The following PDXK variants were observed in gnomAD, a reference collection of about 807,000 sequenced individuals.
PDXK encodes the protein epididymis secretory sperm binding protein Li 1a.
PDXK carries 15 observed loss-of-function variants against 43.2 expected under a neutral mutation model. That is an observed-to-expected ratio of 0.35 (90% CI 0.23 to 0.53). The LOEUF (loss-of-function observed/expected upper bound fraction) is 0.53. Among genes scored for constraint, PDXK ranks in the 20% least tolerant of loss-of-function variants. The pLI, the probability that PDXK is intolerant of heterozygous loss-of-function variation, is 0.92. For synonymous variants in PDXK, 172 were observed against 165.4 expected (o/e 1.04, Z -0.31); for missense variants, 343 against 417.0 (o/e 0.82, Z 1.54).
chr21:43,732,531 G>A lies in PDXK; in HGVS notation c.88-1538G>A, dbSNP rs375272052. The A allele has an allele frequency of 2.4e-5, 29 of 1,190,328 alleles. No homozygotes were observed. The highest frequency in any genetic ancestry group is 2.1e-4 in the South Asian group (17 of 82,740). 73.7% of individuals were successfully genotyped at this position (1,190,328 alleles called of 1,614,324 possible). On this transcript the variant is annotated intron_variant, in intron 1 of 10. Transcript: ENST00000291565. This position sits in a 1 kb window ranked among gnomAD's most constrained non-coding sequence, Gnocchi z 4.1. ...AAATAGCGACTTCATTCTCGGATAC[G>A]TTTGCCAGCCCCAAAGGATTAATTA...
At chr21:43,722,725 G>T (rs1416261999) in intron 1 of PDXK, among the ~76,000 whole-genome samples, 1 of 152,156 alleles carries the variant, frequency 6.6e-6, no homozygotes, top group Non-Finnish European at 1.5e-5. Flanking sequence ...CTGTCCTCAC[G>T]TGGCCTCCGC....
At chr21:43,743,537 G>A in intron 3 of PDXK, 187 bp from the exon 4 acceptor site, 1 of 479,836 alleles carries the variant, frequency 2.1e-6, no homozygotes, top group South Asian at 2.0e-5. Flanking sequence ...AGCACTGTGG[G>A]GACACCTCGC....
rs1156887089 is a variant in PDXK at position 43,719,282 on chromosome 21, G to C, written c.-13G>C. 20 of 1,433,616 alleles carry C rather than the reference G, an allele frequency of 1.4e-5. No homozygotes were observed. The highest frequency in any genetic ancestry group is 5.5e-5 in the South Asian group (4 of 72,340). The allele number at this position is 1,433,616 out of a possible 1,614,324, so 88.8% of individuals were successfully genotyped here. On this transcript the variant is annotated 5_prime_UTR_variant, in exon 1 of 11. Transcript: ENST00000291565. ...CCCCGCCTCGGCCCCGCGCCGCCGC[G>C]GCCAGGCCCGGCATGGAGGAGGAGT...
intron 1 of PDXK, among the ~76,000 whole-genome samples, chr21:43,726,898 G>T (rs748925453): frequency 2.0e-5 from 3 of 152,248 alleles, no homozygotes; most frequent in Middle Eastern, 3.4e-3. Flanking sequence ...TACATGGCAT[G>T]CATGTGTGCA....
intron 3 of PDXK, among the ~76,000 whole-genome samples, chr21:43,742,589 A>ATT (rs1226869636): frequency 9.9e-5 from 15 of 152,232 alleles, no homozygotes; most frequent in Non-Finnish European, 2.2e-4. Flanking sequence ...TAAAGGTCAC[A>ATT]TATAAGGCCA....
Position 43,755,968 on chromosome 21 carries a change from G to T in PDXK, c.844G>T (p.Val282Leu). Reference sequence around the variant, plus strand: ...CCCCGCAGCCCAGGCCGGGGAAGGAGTGAGGCCCAGCCCCATGCAGCTGGA... The same window carrying T: ...CCCCGCAGCCCAGGCCGGGGAAGGATTGAGGCCCAGCCCCATGCAGCTGGA... The part of the protein sequence containing the change: ...QCAKAQAGEG[V>L]RPSPMQLELR... Residue 282 changes from valine to leucine, a missense_variant, in exon 11 of 11, where the codon GTG (valine) becomes TTG (leucine). Val to Leu is a conservative substitution (Grantham distance 32). Coordinates refer to ENST00000291565, the MANE Select transcript of PDXK (RefSeq NM_003681.5). The T allele has an allele frequency of 6.2e-7, 1 of 1,611,588 alleles. No individual in the cohort carries two copies. The highest frequency in any genetic ancestry group is 8.5e-7 in the Non-Finnish European group (1 of 1,178,546).
chr21:43,752,517 G>A lies in PDXK; in HGVS notation c.511-1G>A, dbSNP rs1482876186. The A allele has an allele frequency of 6.2e-7, 1 of 1,605,848 alleles. No individual in the cohort carries two copies. The highest frequency in any genetic ancestry group is 1.7e-5 in the Admixed American group (1 of 59,994). ...GCTGACGCTCCCTGTGCCACTGCTA[G>A]GTGATGGACATGCTGCACTCTATGG... On this transcript the variant is annotated splice_acceptor_variant, in intron 7 of 10. Coordinates refer to ENST00000291565, the MANE Select transcript of PDXK (RefSeq NM_003681.5). LOFTEE classifies it high-confidence loss of function.
intron 3 of PDXK, among the ~76,000 whole-genome samples, chr21:43,743,442 T>C (rs1188489669): frequency 8.2e-5 from 2 of 24,282 alleles, no homozygotes; most frequent in Non-Finnish European, 1.5e-4. Context: ...TGGGGACACC[T>C]CGCCTGCACC....
intron 1 of PDXK, among the ~76,000 whole-genome samples, chr21:43,733,167 C>A (rs573116429): frequency 6.6e-6 from 1 of 152,046 alleles, no homozygotes; most frequent in South Asian, 2.1e-4. Flanking sequence ...AAATCGTAAG[C>A]AGATAGCTCA....
chr21:43,742,930 A>G (rs1351981490), intron 3 of PDXK, among the ~76,000 whole-genome samples: 2 of 152,148 alleles, frequency 1.3e-5, no homozygotes, highest in Non-Finnish European at 2.9e-5. Context: ...AATAAAGGAA[A>G]GATCACTCCT....
At chr21:43,728,195 C>T (rs1360220125) in intron 1 of PDXK, among the ~76,000 whole-genome samples, 1 of 152,086 alleles carries the variant, frequency 6.6e-6, no homozygotes, top group East Asian at 1.9e-4. Context: ...CAGAAGTTCC[C>T]CCTGGGAGTT....
rs552957993 is a variant in PDXK at position 43,729,287 on chromosome 21, A to G, written c.88-4782A>G. ...GGGGCTTTGGCCAGGGCCGGCAGAG[A>G]GCCCCAGTCCTGAAGAACCCTCGTT... On this transcript the variant is annotated intron_variant, in intron 1 of 10. Transcript: ENST00000291565. Among the ~76,000 whole-genome samples, 761 of 152,294 alleles carry G rather than the reference A, an allele frequency of 5.0e-3. 4 individuals are homozygous for G. The highest frequency in any genetic ancestry group is 0.044 in the South Asian group (214 of 4,824).
Position 43,737,161 on chromosome 21 carries a change from C to A in PDXK, c.142+3038C>A. ...CTTCTGCCTGGGATGGGCCACAAAG[C>A]CAGACTCCCGGCAGGGACACGGGTG... On this transcript the variant is annotated intron_variant, in intron 2 of 10. Transcript: ENST00000291565. This position sits in a 1 kb window ranked among gnomAD's most constrained non-coding sequence, Gnocchi z 4.8. The A allele has an allele frequency of 1.4e-6, 2 of 1,453,496 alleles. No homozygotes were observed. The highest frequency in any genetic ancestry group is 1.8e-6 in the Non-Finnish European group (2 of 1,093,270). 90.0% of individuals were successfully genotyped at this position (1,453,496 alleles called of 1,614,324 possible).
chr21:43,741,577 C>T, intron 2 of PDXK, 90 bp from the exon 3 acceptor site: 1 of 1,566,162 alleles, frequency 6.4e-7, no homozygotes, highest in Non-Finnish European at 8.6e-7. Context: ...CACCAGGCAG[C>T]CTCAGGGAGA....
chr21:43,756,794 G>GT lies in PDXK; in HGVS notation c.*732dup, dbSNP rs1225215939. On this transcript the variant is annotated 3_prime_UTR_variant, in exon 11 of 11. Coordinates refer to ENST00000291565, the MANE Select transcript of PDXK (RefSeq NM_003681.5). ...TCGGCATCTTCCAGGAATCCGCCGAGTGACTTGAGGAAGATGCTAACGCAG... is the reference window on the plus strand; with the variant it reads ...TCGGCATCTTCCAGGAATCCGCCGAGTTGACTTGAGGAAGATGCTAACGCAG... 2 of 152,244 alleles carry GT rather than the reference G, an allele frequency of 1.3e-5. No individual in the cohort carries two copies. Among genetic ancestry groups the GT allele is most frequent in the Non-Finnish European group, 2.9e-5 (2 of 68,078 alleles). The allele number at this position is 152,244 out of a possible 1,614,324, so 9.4% of individuals were successfully genotyped here. A position where few individuals can be genotyped will look rare whatever the true frequency, so the allele number is the denominator to read the frequency against.
intron 1 of PDXK, among the ~76,000 whole-genome samples, chr21:43,727,796 G>C (rs1318494614): frequency 6.6e-6 from 1 of 152,222 alleles, no homozygotes; most frequent in Non-Finnish European, 1.5e-5. Flanking sequence ...GCAGACTCTG[G>C]AGCTAGAATA....
intron 3 of PDXK, 54 bp from the exon 4 acceptor site, chr21:43,743,670 T>C (rs2083586465): frequency 1.6e-6 from 2 of 1,249,970 alleles, no homozygotes; most frequent in Non-Finnish European, 2.4e-6. Flanking sequence ...GTGCCACAGT[T>C]GATCGTGGTG....
intron 4 of PDXK, 77 bp downstream of exon 4, chr21:43,743,884 C>T (rs1309655302): frequency 3.1e-5 from 30 of 952,394 alleles, no homozygotes; most frequent in Middle Eastern, 5.3e-4. Context: ...CGGGAAGGGA[C>T]GTCTTAGCCT....
rs1417773505 is a variant in PDXK, at chr21:43,719,183, G to T, written c.-112G>T. 5 of 447,898 alleles carry T rather than the reference G, an allele frequency of 1.1e-5. No homozygotes were observed. Among genetic ancestry groups the T allele is most frequent in the Admixed American group, 4.9e-5 (1 of 20,602 alleles). 27.7% of individuals were successfully genotyped at this position (447,898 alleles called of 1,614,324 possible). On this transcript the variant is annotated 5_prime_UTR_variant, in exon 1 of 11. Coordinates refer to ENST00000291565, the MANE Select transcript of PDXK (RefSeq NM_003681.5). ...TCCGCCGCGCGCCAGAGCCAGAGTCGCAGCCGAGGGGAGCCGGGGCCGGAG... is the reference window on the plus strand; with the variant it reads ...TCCGCCGCGCGCCAGAGCCAGAGTCTCAGCCGAGGGGAGCCGGGGCCGGAG...
Sources: allele counts gnomAD v4.1 joint callset (sites outside exome capture counted in the v4.1 genomes callset), GRCh38; gene constraint gnomAD v4.1.1; non-coding constraint Gnocchi (gnomAD v3.1); transcripts MANE v1.5; gene names NCBI Gene and HGNC (gene_info 2026-07-23, HGNC 2026-07-21).